NLRC5: variants seen among roughly 807,000 people sequenced by gnomAD.
NLRC5 encodes the protein NLR family CARD domain containing 5.
In NLRC5, 114 loss-of-function variants were observed where a neutral mutation model predicts 206.9. That is an observed-to-expected ratio of 0.55 (90% CI 0.47 to 0.64). NLRC5 has a LOEUF of 0.64. Ranked by LOEUF, NLRC5 falls within the 30% of genes least tolerant of loss-of-function variation. The probability of loss-of-function intolerance (pLI) is 0.00; values close to 1 mark genes in which losing one functional copy is unlikely to be tolerated. For missense variants in NLRC5, 2,008 were observed against 2,305.5 expected, an observed-to-expected ratio of 0.87 and a Z score of 2.64; for synonymous variants, 952 against 962.8, an observed-to-expected ratio of 0.99 and a Z score of 0.21.
chr16:57,001,861 G>A (rs1181027768), intron 1 of NLRC5, among the ~76,000 whole-genome samples: 3 of 151,862 alleles, frequency 2.0e-5, no homozygotes, highest in East Asian at 1.9e-4. Flanking sequence ...ACTATTTTTT[G>A]TACCCACTAA....
intron 1 of NLRC5, among the ~76,000 whole-genome samples, chr16:57,016,524 G>A (rs2060122770): frequency 6.6e-6 from 1 of 152,126 alleles, no homozygotes; most frequent in Non-Finnish European, 1.5e-5. Flanking sequence ...TGCGTGGTGT[G>A]GGAGTTTGTG....
chr16:57,026,822 C>G lies in NLRC5; in HGVS notation c.1879C>G (p.Leu627Val). Residue 627 changes from leucine (L) to valine (V), a missense_variant, in exon 6 of 49, where the codon CTG (leucine) becomes GTG (valine). Physicochemically the swap from Leu to Val is conservative, Grantham distance 32. Coordinates refer to ENST00000688547, the MANE Select transcript of NLRC5 (RefSeq NM_001384950.1). Reference protein sequence around the residue: ...HCVDETQEPELASLTAQSLPY... With the variant: ...HCVDETQEPEVASLTAQSLPY... Reference sequence around the variant, plus strand: ...TGTGGATGAGACACAGGAGCCTGAGCTGGCCAGTCTCACCGCACAAAGCCT... The same window carrying G: ...TGTGGATGAGACACAGGAGCCTGAGGTGGCCAGTCTCACCGCACAAAGCCT... The G allele has an allele frequency of 6.2e-7, 1 of 1,614,218 alleles. No individual in the cohort carries two copies. Among genetic ancestry groups the G allele is most frequent in the Non-Finnish European group, 8.5e-7 (1 of 1,180,038 alleles).
intron 28 of NLRC5, 133 bp from the exon 29 acceptor site, chr16:57,058,839 C>A: frequency 1.3e-6 from 1 of 788,616 alleles, no homozygotes. Flanking sequence ...GTGTGTCCAT[C>A]TGGAGAATAG....
rs1190775343 is a variant in NLRC5, at chr16:57,031,455, G to C, written c.2469G>C (p.Glu823Asp). ...LLSPPTETTA[E>D]LQRAPDLQES... ...CCCCGCCCACAGAGACAACTGCAGA[G>C]CTACAAAGGTAAGAAGCCAAGAGGC... Residue 823 changes from glutamate (E) to aspartate (D), a missense_variant, in exon 11 of 49, where the codon GAG (glutamate) becomes GAC (aspartate). Physicochemically the swap from Glu to Asp is conservative, Grantham distance 45 (BLOSUM62 2). Transcript: ENST00000688547. The C allele has an allele frequency of 6.2e-7, 1 of 1,613,844 alleles. No individual in the cohort carries two copies. Among genetic ancestry groups the C allele is most frequent in the South Asian group, 1.1e-5 (1 of 91,034 alleles).
In NLRC5 at chr16:57,049,733, C is replaced by CAAATAAAT. The variant is rs141407636; in HGVS notation, c.3423-1773_3423-1766dup. Among the ~76,000 whole-genome samples, 680 of 145,282 alleles carry CAAATAAAT rather than the reference C, an allele frequency of 4.7e-3. 4 individuals carry two copies. The highest frequency in any genetic ancestry group is 0.011 in the Middle Eastern group (3 of 284). On this transcript the variant is annotated intron_variant, in intron 23 of 48. Transcript: ENST00000688547. ...TGGGCAACAGAGCAAGACTCTGTCTCAAATAAATAAATAAATAAATAAATA... is the reference window on the plus strand; with the variant it reads ...TGGGCAACAGAGCAAGACTCTGTCTCAAATAAATAAATAAATAAATAAATAAATAAATA...
chr16:57,027,960 T>G, intron 6 of NLRC5, 112 bp from the exon 7 acceptor site: 2 of 603,268 alleles, frequency 3.3e-6, no homozygotes, highest in Non-Finnish European at 5.8e-6. Flanking sequence ...TCGGCCATAA[T>G]ATGTATTTGT....
chr16:57,077,426 G>T (rs1432233668), intron 41 of NLRC5, 47 bp downstream of exon 41: 4 of 1,533,218 alleles, frequency 2.6e-6, no homozygotes, highest in African/African-American at 2.7e-5. Flanking sequence ...TCACACGATG[G>T]TCCTAGGAGA....
chr16:57,022,194 G>A, intron 3 of NLRC5, 62 bp from the exon 4 acceptor site: 1 of 1,473,486 alleles, frequency 6.8e-7, no homozygotes, highest in South Asian at 1.2e-5. Flanking sequence ...CGCCAGGCCA[G>A]AGCTGGTCCC....
Position 57,067,792 on chromosome 16 carries a change from G to C in NLRC5, c.4463G>C (p.Ser1488Thr). 1 of 1,614,208 alleles carries C rather than the reference G, an allele frequency of 6.2e-7. No homozygotes were observed. Among genetic ancestry groups the C allele is most frequent in the Non-Finnish European group, 8.5e-7 (1 of 1,180,012 alleles). ...GATGCCAGTTCCCTGCTGCTGCAGA[G>C]CCTCCTGCTGTCCCTCTCTGAGCTG... is the stretch of plus-strand genomic sequence containing the variant. ...DDDASSLLLQ[S>T]LLLSLSELKT... Residue 1488 changes from serine to threonine, a missense_variant, in exon 36 of 49, where the codon AGC becomes ACC. By Grantham distance (58) the Ser-to-Thr change is moderately conservative. Transcript: ENST00000688547.
chr16:57,036,287 C>A, intron 14 of NLRC5, 104 bp downstream of exon 14: 1 of 1,015,060 alleles, frequency 9.9e-7, no homozygotes, highest in Non-Finnish European at 1.5e-6. Context: ...CACTGCCACC[C>A]CTGCTTCCTC....
At chr16:57,062,409 G>C (rs2066628989) in intron 32 of NLRC5, 4 of 306,736 alleles carry the variant, frequency 1.3e-5, no homozygotes, top group Non-Finnish European at 2.5e-5. Context: ...ATTTGCACGG[G>C]ATGGCGATGG....
intron 23 of NLRC5, among the ~76,000 whole-genome samples, chr16:57,049,164 G>A (rs555464887): frequency 6.6e-6 from 1 of 152,106 alleles, no homozygotes; most frequent in South Asian, 2.1e-4. Context: ...GAAAGTTTAC[G>A]AATTTTTGTT....
intron 26 of NLRC5, 25 bp from the exon 27 acceptor site, chr16:57,055,408 G>C: frequency 1.2e-6 from 2 of 1,611,154 alleles, no homozygotes; most frequent in Non-Finnish European, 1.7e-6. Flanking sequence ...CCCATCCCCT[G>C]CTTGTCCCCT....
chr16:57,076,715 T>C lies in NLRC5; in HGVS notation c.4752-104T>C, dbSNP rs576418376. Reference sequence around the variant, plus strand: ...AGAAGTTTTGCTACCAGCATATGAATTCCTGGGCGTGTAAGGCTTTGCAAA... The same window carrying C: ...AGAAGTTTTGCTACCAGCATATGAACTCCTGGGCGTGTAAGGCTTTGCAAA... On this transcript the variant is annotated intron_variant, in intron 39 of 48. Coordinates refer to ENST00000688547, the MANE Select transcript of NLRC5 (RefSeq NM_001384950.1). 187 of 1,061,836 alleles carry C rather than the reference T, an allele frequency of 1.8e-4. No individual in the cohort carries two copies. The African/African-American group carries it at 2.4e-3, about 13-fold the overall frequency. The allele number at this position is 1,061,836 out of a possible 1,614,324, so 65.8% of individuals were successfully genotyped here. A position where few individuals can be genotyped will look rare whatever the true frequency, so the allele number is the denominator to read the frequency against.
At chr16:57,049,180 G>A (rs1307917863) in intron 23 of NLRC5, among the ~76,000 whole-genome samples, 9 of 152,114 alleles carry the variant, frequency 5.9e-5, no homozygotes, top group Admixed American at 2.6e-4. Flanking sequence ...TTGTTAGGCC[G>A]TATTCAAAGC....
At chr16:57,053,516 A>G (rs1411184846) in intron 24 of NLRC5, among the ~76,000 whole-genome samples, 2 of 152,052 alleles carry the variant, frequency 1.3e-5, no homozygotes, top group African/African-American at 4.8e-5. Flanking sequence ...AGGGAGAGGA[A>G]TAATTTGGGT....
chr16:57,051,019 AT>A (rs1287862110), intron 23 of NLRC5, among the ~76,000 whole-genome samples: 63 of 150,318 alleles, frequency 4.2e-4, no homozygotes, highest in African/African-American at 1.4e-3. Flanking sequence ...CGCCTGGCTA[AT>A]TTTTTTTTCG....
rs1006350593 is a variant in NLRC5 at position 57,066,721 on chromosome 16, A to G, written c.4322+107A>G. 4.0e-6 allele frequency: 4 copies of G among 1,010,494 alleles called. No individual in the cohort carries two copies. The East Asian group carries it at 1.0e-4, about 26-fold the overall frequency. 62.6% of individuals were successfully genotyped at this position (1,010,494 alleles called of 1,614,324 possible). A position where few individuals can be genotyped will look rare whatever the true frequency, so the allele number is the denominator to read the frequency against. ...CCTGCCCAGAGACCTTAGGGGTTCGAAGTCTTTACACAGGCTACAGAGGTC... is the reference window on the plus strand; with the variant it reads ...CCTGCCCAGAGACCTTAGGGGTTCGGAGTCTTTACACAGGCTACAGAGGTC... On this transcript the variant is annotated intron_variant, in intron 34 of 48. Transcript: ENST00000688547.
chr16:57,001,616 A>G (rs1246990269), intron 1 of NLRC5, among the ~76,000 whole-genome samples: 2 of 151,930 alleles, frequency 1.3e-5, no homozygotes, highest in Admixed American at 1.3e-4. Flanking sequence ...TTCATTTTTA[A>G]TTTTTGTGGG....
Sources: allele counts gnomAD v4.1 joint callset (sites outside exome capture counted in the v4.1 genomes callset), GRCh38; gene constraint gnomAD v4.1.1; transcripts MANE v1.5; gene names NCBI Gene and HGNC (gene_info 2026-07-23, HGNC 2026-07-21).